Variants in ANXA10 observed in about 807,000 individuals in gnomAD.
ANXA10 encodes annexin A10.
ANXA10 carries 49 observed loss-of-function variants against 53.5 expected under a neutral mutation model. The observed-to-expected ratio is 0.92, with a 90% confidence interval of 0.73 to 1.16. ANXA10 has a LOEUF of 1.16. Among genes scored for constraint, ANXA10 ranks in the 50% most tolerant of loss-of-function variants. ANXA10 has a pLI of 0.00. For missense variants in ANXA10, 393 were observed against 394.4 expected (o/e 1.00, Z 0.03); for synonymous variants, 131 against 128.9 (o/e 1.02, Z -0.11).
chr4:168,162,963 T>G (rs6843045), intron 4 of ANXA10, among the ~76,000 whole-genome samples: 28,732 of 152,114 alleles, frequency 0.19, 2,881 homozygotes, highest in Non-Finnish European at 0.21. Flanking sequence ...TCCCTGAGCA[T>G]GTATTCCTAT....
chr4:168,176,820 G>T (rs552463693), intron 6 of ANXA10, among the ~76,000 whole-genome samples: 203 of 151,910 alleles, frequency 1.3e-3, no homozygotes, highest in African/African-American at 4.8e-3. Context: ...TGTCAACATG[G>T]CGAGATCCTC....
Position 168,162,553 on chromosome 4 carries a change from A to G in ANXA10, c.221A>G (p.Gln74Arg). 1.2e-6 allele frequency: 2 copies of G among 1,613,952 alleles called. No homozygotes were observed. The highest frequency in any genetic ancestry group is 1.7e-6 in the Non-Finnish European group (2 of 1,179,878). The change falls in exon 4 of 12, where the codon CAG becomes CGG. Residue 74 changes from glutamine to arginine, a missense_variant. Gln to Arg is a conservative substitution (Grantham distance 43). Coordinates refer to ENST00000359299, the MANE Select transcript of ANXA10 (RefSeq NM_007193.5). Reference sequence around the variant, plus strand: ...GACCTGATTGGGGATATGAGGGAGCAGCTTTCGGATCACTTCAAAGATGTG... The same window carrying G: ...GACCTGATTGGGGATATGAGGGAGCGGCTTTCGGATCACTTCAAAGATGTG... The part of the protein sequence containing the change: ...GRDLIGDMRE[Q>R]LSDHFKDVMA...
At chr4:168,110,326 C>T (rs901783310) in intron 1 of ANXA10, among the ~76,000 whole-genome samples, 5 of 152,120 alleles carry the variant, frequency 3.3e-5, no homozygotes, top group African/African-American at 1.2e-4. Flanking sequence ...CCTTTTGTCT[C>T]CTTCATCCCC....
chr4:168,186,529 T>A (rs543165284), intron 11 of ANXA10, among the ~76,000 whole-genome samples: 48 of 152,294 alleles, frequency 3.2e-4, no homozygotes, highest in Non-Finnish European at 6.3e-4. Context: ...CTTTGTCCCT[T>A]CTGCCATGTG....
chr4:168,184,419 C>T lies in ANXA10; in HGVS notation c.784-140C>T, dbSNP rs1016501586. Reference sequence around the variant, plus strand: ...AAATGACTCAGGATCTGAACCACAGCCTGTGTGGCCAGTGATGCCAGTGTT... The same window carrying T: ...AAATGACTCAGGATCTGAACCACAGTCTGTGTGGCCAGTGATGCCAGTGTT... On this transcript the variant is annotated intron_variant, in intron 10 of 11. Transcript: ENST00000359299. 7.5e-6 allele frequency: 7 copies of T among 929,476 alleles called. No individual in the cohort carries two copies. In the African/African-American group the frequency reaches 1.2e-4, roughly 15 times the overall value. 57.6% of individuals were successfully genotyped at this position (929,476 alleles called of 1,614,324 possible). A position where few individuals can be genotyped will look rare whatever the true frequency, so the allele number is the denominator to read the frequency against.
intron 1 of ANXA10, among the ~76,000 whole-genome samples, chr4:168,124,569 C>T (rs972443816): frequency 6.6e-6 from 1 of 152,106 alleles, no homozygotes; most frequent in Non-Finnish European, 1.5e-5. Flanking sequence ...ATTGAAGAAC[C>T]AAAGTCTGAC....
chr4:168,111,703 A>G (rs1405318972), intron 1 of ANXA10, among the ~76,000 whole-genome samples: 1 of 152,228 alleles, frequency 6.6e-6, no homozygotes, highest in Non-Finnish European at 1.5e-5. Context: ...TAAACTGCAC[A>G]GTAGCTATTC....
intron 1 of ANXA10, among the ~76,000 whole-genome samples, chr4:168,095,224 G>A (rs1441446907): frequency 1.3e-5 from 2 of 151,734 alleles, no homozygotes; most frequent in Admixed American, 6.6e-5. Flanking sequence ...TGTAAAAATT[G>A]TTCGCTGATT....
chr4:168,155,536 TTA>T (rs1374045179), intron 3 of ANXA10, among the ~76,000 whole-genome samples: 1 of 41,040 alleles, frequency 2.4e-5, no homozygotes, highest in African/African-American at 1.3e-4. Flanking sequence ...TAATATATAA[TTA>T]TATATTATAA....
intron 3 of ANXA10, among the ~76,000 whole-genome samples, chr4:168,155,042 C>A (rs1249414928): frequency 6.6e-6 from 1 of 151,794 alleles, no homozygotes; most frequent in African/African-American, 2.4e-5. Flanking sequence ...ATCAACCCAA[C>A]ATTTACTGAA....
At chr4:168,156,597 A>T (rs926426308) in intron 3 of ANXA10, among the ~76,000 whole-genome samples, 1 of 150,326 alleles carries the variant, frequency 6.7e-6, no homozygotes, top group Non-Finnish European at 1.5e-5. Context: ...TCTGCCTCCC[A>T]GGTTCACGCC....
intron 6 of ANXA10, among the ~76,000 whole-genome samples, chr4:168,167,743 A>T (rs1731906261): frequency 6.6e-6 from 1 of 152,166 alleles, no homozygotes; most frequent in Non-Finnish European, 1.5e-5. Flanking sequence ...TCTTTCCTAG[A>T]TATATTTCTC....
At chr4:168,169,961 CAT>C (rs1375767931) in intron 6 of ANXA10, among the ~76,000 whole-genome samples, 2 of 152,100 alleles carry the variant, frequency 1.3e-5, no homozygotes, top group Non-Finnish European at 1.5e-5. Context: ...GAAAATGAAA[CAT>C]GAGGGAAAAT....
At position 168,179,310 on chromosome 4, in the gene ANXA10, T is replaced by C. The variant is rs140456301; in HGVS notation, c.722T>C (p.Ile241Thr). 4.5e-4 allele frequency: 721 copies of C among 1,597,940 alleles called. 1 individual carries two copies. The African/African-American group carries it at 7.6e-3, about 17-fold the overall frequency. The part of the protein sequence containing the change: ...DGYFQELLVA[I>T]VLCVRDKPAY... ...TACTTTCAGGAGCTGCTGGTTGCAA[T>C]TGGTAAGTAATAAATTATTTGAAGC... The change falls in exon 9 of 12, where the codon ATT (isoleucine) becomes ACT (threonine). Residue 241 changes from isoleucine (I) to threonine (T), a missense_variant and splice_region_variant. Physicochemically the swap from Ile to Thr is moderately conservative, Grantham distance 89. Transcript: ENST00000359299.
chr4:168,127,981 C>T (rs952968916), intron 1 of ANXA10, 103 bp from the exon 2 acceptor site: 90 of 1,048,830 alleles, frequency 8.6e-5, no homozygotes, highest in Non-Finnish European at 1.2e-4. Context: ...ACCTCTGCCT[C>T]CCAAAGTGCA....
intron 1 of ANXA10, among the ~76,000 whole-genome samples, chr4:168,095,998 A>C (rs2149463140): frequency 2.0e-5 from 3 of 152,306 alleles, no homozygotes; most frequent in East Asian, 3.9e-4. Flanking sequence ...TACTATGGGC[A>C]ATGAGACATA....
chr4:168,171,499 C>T (rs1419019045), intron 6 of ANXA10, among the ~76,000 whole-genome samples: 1 of 152,120 alleles, frequency 6.6e-6, no homozygotes, highest in Non-Finnish European at 1.5e-5. Context: ...TTTTTAACAT[C>T]ACTAAAATTC....
At chr4:168,149,057 T>C (rs1345907786) in intron 3 of ANXA10, among the ~76,000 whole-genome samples, 8 of 152,200 alleles carry the variant, frequency 5.3e-5, no homozygotes, top group Non-Finnish European at 1.2e-4. Context: ...CTTTTTTCTA[T>C]AGATTCTCTG....
chr4:168,126,080 C>A (rs28549237), intron 1 of ANXA10, among the ~76,000 whole-genome samples: 1 of 151,118 alleles, frequency 6.6e-6, no homozygotes, highest in East Asian at 1.9e-4. Context: ...GAAAAATGTA[C>A]ATTTTTTTCA....
Sources: allele counts gnomAD v4.1 joint callset (sites outside exome capture counted in the v4.1 genomes callset), GRCh38; gene constraint gnomAD v4.1.1; transcripts MANE v1.5; gene names NCBI Gene and HGNC (gene_info 2026-07-23, HGNC 2026-07-21).